Variants in EYS observed in about 807,000 individuals in gnomAD.
EYS encodes EGF-like photoreceptor maintenance factor.
Under a neutral mutation model 282.1 loss-of-function variants are expected in EYS, and 250 were observed. The ratio of observed to expected loss-of-function variants is 0.89; its 90% CI spans 0.80 to 0.98. EYS has a LOEUF of 0.98. Ranked by LOEUF, EYS falls within the 50% of genes least tolerant of loss-of-function variation. The probability of loss-of-function intolerance (pLI) is 0.00; values close to 1 mark genes in which losing one functional copy is unlikely to be tolerated. For missense variants in EYS, 4,016 were observed against 3,709.0 expected, an observed-to-expected ratio of 1.08 and a Z score of -2.15; for synonymous variants, 1,355 against 1,282.9, an observed-to-expected ratio of 1.06 and a Z score of -1.20.
At chr6:64,814,565 A>G (rs946255764) in intron 21 of EYS, among the ~76,000 whole-genome samples, 7 of 152,030 alleles carry the variant, frequency 4.6e-5, no homozygotes, top group East Asian at 1.9e-4. Flanking sequence ...TATGCTTTTA[A>G]GTTTACAGTT....
chr6:64,545,826 A>T (rs113752201), intron 26 of EYS, among the ~76,000 whole-genome samples: 1 of 151,850 alleles, frequency 6.6e-6, no homozygotes, highest in African/African-American at 2.4e-5. Flanking sequence ...GACGTGAAGG[A>T]CCTCTTCAAG....
rs545104297 is a variant in EYS, at chr6:64,854,101, C to A, written c.2993-31279G>T. ...CTATCATTATAAAGTCAGGAAACAACAGGTGCTGGAGAGGATGTGGAGAAA... is the reference window on the plus strand; with the variant it reads ...CTATCATTATAAAGTCAGGAAACAAAAGGTGCTGGAGAGGATGTGGAGAAA... On this transcript the variant is annotated intron_variant, in intron 19 of 42. Coordinates refer to ENST00000503581, the MANE Select transcript of EYS (RefSeq NM_001142800.2). Among the ~76,000 whole-genome samples, 31 of 152,082 alleles carry A rather than the reference C, an allele frequency of 2.0e-4. No homozygotes were observed. In the East Asian group the frequency reaches 6.0e-3, roughly 30 times the overall value.
intron 12 of EYS, among the ~76,000 whole-genome samples, chr6:65,281,910 G>C (rs1562070358): frequency 6.6e-6 from 1 of 151,926 alleles, no homozygotes; most frequent in Admixed American, 6.6e-5. Flanking sequence ...TATTTAAACA[G>C]TACATCTATG....
chr6:64,249,346 A>G (rs1767129928), intron 30 of EYS, among the ~76,000 whole-genome samples: 1 of 152,156 alleles, frequency 6.6e-6, no homozygotes, highest in Admixed American at 6.5e-5. Context: ...ACATGGTTGT[A>G]CAGAGTGGAA....
chr6:64,439,454 G>A lies in EYS; in HGVS notation c.5645-102C>T, dbSNP rs3857528. ...ATATGTTTTCTCTAATGACTCATAC[G>A]TCTCTTTCCTGCCTCTTTCAAGCCC... is the stretch of plus-strand genomic sequence containing the variant. On this transcript the variant is annotated intron_variant, in intron 26 of 42. Transcript: ENST00000503581. 8,791 of 703,830 alleles carry A rather than the reference G, an allele frequency of 0.012. 653 individuals are homozygous for A. In the Admixed American group the frequency reaches 0.16, roughly 13 times the overall value. The allele number at this position is 703,830 out of a possible 1,614,324, so 43.6% of individuals were successfully genotyped here. A position where few individuals can be genotyped will look rare whatever the true frequency, so the allele number is the denominator to read the frequency against.
At chr6:63,797,025 A>AAGATATTTTT (rs1770662595) in intron 37 of EYS, among the ~76,000 whole-genome samples, 1 of 152,178 alleles carries the variant, frequency 6.6e-6, no homozygotes, top group African/African-American at 2.4e-5. Flanking sequence ...ATGTTTTGTG[A>AAGATATTTTT]AGATATTTTT....
intron 7 of EYS, among the ~76,000 whole-genome samples, chr6:65,387,894 T>C (rs1765861707): frequency 6.6e-6 from 1 of 152,058 alleles, no homozygotes; most frequent in African/African-American, 2.4e-5. Context: ...CATGCATACA[T>C]GGGGATTCTG....
intron 35 of EYS, among the ~76,000 whole-genome samples, chr6:63,953,157 C>T (rs1765671642): frequency 6.6e-6 from 1 of 151,968 alleles, no homozygotes; most frequent in Admixed American, 6.6e-5. Context: ...TCCCCTGCAC[C>T]CCTCATCCCA....
intron 5 of EYS, among the ~76,000 whole-genome samples, chr6:65,434,555 T>C (rs1277897013): frequency 2.0e-5 from 3 of 152,032 alleles, no homozygotes; most frequent in Admixed American, 6.6e-5. Context: ...CTCCTCACCT[T>C]GTGATCGGCC....
At chr6:64,837,981 A>T (rs886732660) in intron 19 of EYS, among the ~76,000 whole-genome samples, 1 of 151,692 alleles carries the variant, frequency 6.6e-6, no homozygotes, top group South Asian at 2.1e-4. Flanking sequence ...ACAAAACTGC[A>T]CTTATATCTC....
At chr6:65,704,811 C>CA (rs1769818166) in intron 1 of EYS, among the ~76,000 whole-genome samples, 1 of 152,202 alleles carries the variant, frequency 6.6e-6, no homozygotes, top group South Asian at 2.1e-4. Context: ...GTGATGCACT[C>CA]ACTCTCTGAG....
intron 35 of EYS, among the ~76,000 whole-genome samples, chr6:63,883,345 A>G (rs779586420): frequency 6.6e-6 from 1 of 152,196 alleles, no homozygotes; most frequent in Non-Finnish European, 1.5e-5. Context: ...CTATGCTGAC[A>G]GTTCCCTGGG....
chr6:64,284,711 G>C (rs377243697), intron 30 of EYS, among the ~76,000 whole-genome samples: 1 of 152,170 alleles, frequency 6.6e-6, no homozygotes, highest in South Asian at 2.1e-4. Flanking sequence ...TCTAGGCAGA[G>C]GTTCCCAAAC....
At chr6:65,649,669 G>A (rs1465233650) in intron 1 of EYS, among the ~76,000 whole-genome samples, 1 of 151,966 alleles carries the variant, frequency 6.6e-6, no homozygotes, top group Non-Finnish European at 1.5e-5. Flanking sequence ...TGATGAGTTC[G>A]CTCCTTTCTC....
intron 18 of EYS, among the ~76,000 whole-genome samples, chr6:64,896,212 C>T (rs4710289): frequency 6.6e-6 from 1 of 152,256 alleles, no homozygotes; most frequent in African/African-American, 2.4e-5. Flanking sequence ...CAGGTGATTT[C>T]TGCATTTCCA....
chr6:65,148,963 T>C (rs1764547929), intron 12 of EYS, among the ~76,000 whole-genome samples: 1 of 152,026 alleles, frequency 6.6e-6, no homozygotes, highest in Admixed American at 6.6e-5. Context: ...CAAGGAACCA[T>C]GTCCTGAGGC....
intron 12 of EYS, among the ~76,000 whole-genome samples, chr6:65,242,978 AT>A (rs1767091934): frequency 6.6e-6 from 1 of 152,124 alleles, no homozygotes. Flanking sequence ...CTGTATTGTT[AT>A]TGAATTGTAA....
intron 33 of EYS, among the ~76,000 whole-genome samples, chr6:64,026,990 C>T (rs113937298): frequency 0.027 from 4,174 of 152,254 alleles, 166 homozygotes; most frequent in African/African-American, 0.085. Context: ...AGAGATGTCA[C>T]GCTACCGTTA....
At chr6:63,954,892 A>G (rs991388091) in intron 35 of EYS, among the ~76,000 whole-genome samples, 1 of 152,144 alleles carries the variant, frequency 6.6e-6, no homozygotes, top group Non-Finnish European at 1.5e-5. Flanking sequence ...TTTCCTTTCC[A>G]TCACGGAAAT....
Sources: allele counts gnomAD v4.1 joint callset (sites outside exome capture counted in the v4.1 genomes callset), GRCh38; gene constraint gnomAD v4.1.1; transcripts MANE v1.5; gene names NCBI Gene and HGNC (gene_info 2026-07-23, HGNC 2026-07-21).